Variants in NPAS3 observed in about 807,000 individuals in gnomAD.
The protein encoded by NPAS3 is neuronal PAS domain-containing protein 3.
NPAS3 carries 14 observed loss-of-function variants against 73.1 expected under a neutral mutation model. The ratio of observed to expected loss-of-function variants is 0.19; its 90% CI spans 0.13 to 0.30. The LOEUF (loss-of-function observed/expected upper bound fraction) is 0.30, where lower values mean the gene tolerates loss of function less well. Among genes scored for constraint, NPAS3 ranks in the 10% least tolerant of loss-of-function variants. The pLI is 1.00. For missense variants in NPAS3, 1,096 were observed against 1,250.0 expected, an observed-to-expected ratio of 0.88 and a Z score of 1.86; for synonymous variants, 620 against 541.5, an observed-to-expected ratio of 1.14 and a Z score of -2.01.
intron 1 of NPAS3, among the ~76,000 whole-genome samples, chr14:32,986,368 G>T (rs190922984): frequency 3.1e-4 from 47 of 152,262 alleles, no homozygotes; most frequent in African/African-American, 1.1e-3. Context: ...ATAGTCTACT[G>T]GGTGCCTTCC....
chr14:33,712,960 G>T (rs1257335076), intron 6 of NPAS3, among the ~76,000 whole-genome samples: 1 of 152,126 alleles, frequency 6.6e-6, no homozygotes, highest in African/African-American at 2.4e-5. Context: ...TCAACAGGAG[G>T]CACTTTCTCT....
chr14:33,639,546 A>G (rs1339748964), intron 5 of NPAS3, among the ~76,000 whole-genome samples: 1 of 152,162 alleles, frequency 6.6e-6, no homozygotes, highest in Non-Finnish European at 1.5e-5. Flanking sequence ...GTCAAAAATT[A>G]TACATTCTCC....
At chr14:33,412,920 C>A (rs754103628) in intron 4 of NPAS3, among the ~76,000 whole-genome samples, 2 of 152,186 alleles carry the variant, frequency 1.3e-5, no homozygotes, top group Non-Finnish European at 2.9e-5. Context: ...TGGACACAAT[C>A]TTGGGTTCAA....
intron 7 of NPAS3, among the ~76,000 whole-genome samples, chr14:33,746,187 A>T (rs2061787474): frequency 6.7e-6 from 1 of 149,768 alleles, no homozygotes; most frequent in Admixed American, 6.6e-5. Flanking sequence ...TTATTTATTT[A>T]TTTATTTATT....
chr14:33,479,696 C>T (rs1429253362), intron 4 of NPAS3, among the ~76,000 whole-genome samples: 2 of 152,170 alleles, frequency 1.3e-5, no homozygotes, highest in South Asian at 2.1e-4. Flanking sequence ...TCTTAGCAAG[C>T]GCCAATCAAT....
At chr14:33,052,725 C>T (rs573225502) in intron 1 of NPAS3, among the ~76,000 whole-genome samples, 4 of 152,280 alleles carry the variant, frequency 2.6e-5, no homozygotes, top group East Asian at 1.9e-4. Context: ...TTTGCTACTA[C>T]GGTGGCAATA....
At chr14:33,253,966 A>G (rs934630218) in intron 3 of NPAS3, among the ~76,000 whole-genome samples, 1 of 152,132 alleles carries the variant, frequency 6.6e-6, no homozygotes, top group Non-Finnish European at 1.5e-5. Context: ...AGAAGAAATC[A>G]CCATCCACCC....
chr14:33,684,741 A>G (rs887831114), intron 6 of NPAS3, among the ~76,000 whole-genome samples: 2 of 152,176 alleles, frequency 1.3e-5, no homozygotes, highest in Non-Finnish European at 2.9e-5. Flanking sequence ...CACAGCCAAC[A>G]TCACCCGTGT....
chr14:33,175,094 A>G (rs1052898940), intron 2 of NPAS3, among the ~76,000 whole-genome samples: 12 of 152,188 alleles, frequency 7.9e-5, no homozygotes, highest in African/African-American at 2.4e-4. Flanking sequence ...ACTTACGCAA[A>G]GATTTTTTTA....
chr14:33,300,231 A>G (rs2042473730), intron 3 of NPAS3, among the ~76,000 whole-genome samples: 1 of 152,212 alleles, frequency 6.6e-6, no homozygotes, highest in African/African-American at 2.4e-5. Context: ...TTCCAAATAC[A>G]TTTAAGAAAG....
intron 2 of NPAS3, among the ~76,000 whole-genome samples, chr14:33,201,269 A>C (rs2046603432): frequency 7.3e-6 from 1 of 137,896 alleles, no homozygotes; most frequent in Non-Finnish European, 1.6e-5. Flanking sequence ...AGCTGTATAT[A>C]AAATTCACTC....
chr14:33,501,483 C>CT (rs1480184469), intron 4 of NPAS3, among the ~76,000 whole-genome samples: 1 of 151,852 alleles, frequency 6.6e-6, no homozygotes, highest in African/African-American at 2.4e-5. Context: ...ATTGGCCACT[C>CT]TCCTTCACAA....
At chr14:33,131,687 G>A (rs1255830732) in intron 2 of NPAS3, among the ~76,000 whole-genome samples, 4 of 152,106 alleles carry the variant, frequency 2.6e-5, no homozygotes, top group South Asian at 2.1e-4. Context: ...GCATGTTTGC[G>A]TGTGCATGCC....
intron 4 of NPAS3, among the ~76,000 whole-genome samples, chr14:33,505,420 G>A (rs889081766): frequency 4.6e-5 from 7 of 151,810 alleles, no homozygotes; most frequent in African/African-American, 7.3e-5. Context: ...ATGTTCCTTC[G>A]AAAGTTTTGA....
At chr14:33,762,414 A>T (rs1441284300) in intron 7 of NPAS3, among the ~76,000 whole-genome samples, 3 of 152,218 alleles carry the variant, frequency 2.0e-5, no homozygotes, top group African/African-American at 7.2e-5. Context: ...CAATTACTTC[A>T]AAAAGTATTC....
chr14:33,570,700 C>T (rs1359888776), intron 5 of NPAS3, among the ~76,000 whole-genome samples: 1 of 152,100 alleles, frequency 6.6e-6, no homozygotes, highest in Non-Finnish European at 1.5e-5. Flanking sequence ...TTGGCTGTAG[C>T]ATACATGGAA....
At chr14:32,994,722 C>T (rs369169205) in intron 1 of NPAS3, among the ~76,000 whole-genome samples, 1 of 151,066 alleles carries the variant, frequency 6.6e-6, no homozygotes, top group Non-Finnish European at 1.5e-5. Context: ...ACCTCCACCT[C>T]CCAGGTTCAA....
chr14:33,522,211 A>T (rs1325528261), intron 4 of NPAS3, among the ~76,000 whole-genome samples: 1 of 152,224 alleles, frequency 6.6e-6, no homozygotes, highest in Non-Finnish European at 1.5e-5. Context: ...TTTCTTCAGA[A>T]ATTCACGTGA....
intron 1 of NPAS3, among the ~76,000 whole-genome samples, chr14:32,987,471 C>A (rs537881867): frequency 6.6e-6 from 1 of 151,878 alleles, no homozygotes; most frequent in East Asian, 1.9e-4. Context: ...TAAGGATGAT[C>A]CCTGAAAGCA....
Sources: gnomAD v4.1 joint callset for allele counts (sites outside exome capture counted in the v4.1 genomes callset) on GRCh38, gnomAD v4.1.1 for gene constraint, MANE v1.5 for transcripts, NCBI Gene and HGNC (gene_info 2026-07-23, HGNC 2026-07-21) for gene names.